The following LARP1 variants were observed in gnomAD, a reference collection of about 807,000 sequenced individuals.
LARP1 encodes the protein La ribonucleoprotein 1, translational regulator.
In LARP1, 36 loss-of-function variants were observed where a neutral mutation model predicts 122.7. The ratio of observed to expected loss-of-function variants is 0.29; its 90% CI spans 0.22 to 0.39. LARP1 has a LOEUF of 0.39. Ranked by LOEUF, LARP1 falls within the 10% of genes least tolerant of loss-of-function variation. The pLI, the probability that LARP1 is intolerant of heterozygous loss-of-function variation, is 1.00. For synonymous variants in LARP1, 539 were observed against 528.7 expected, an observed-to-expected ratio of 1.02 and a Z score of -0.27; for missense variants, 1,040 against 1,403.6, an observed-to-expected ratio of 0.74 and a Z score of 4.14.
chr5:154,711,314 G>A (rs565700290), upstream of LARP1, among the ~76,000 whole-genome samples: 8 of 152,050 alleles, frequency 5.3e-5, no homozygotes, highest in African/African-American at 1.9e-4. Flanking sequence ...GCTTATTTTT[G>A]TATTTTTAGT....
chr5:154,796,874 A>G (rs184646282), intron 8 of LARP1, among the ~76,000 whole-genome samples: 2 of 152,260 alleles, frequency 1.3e-5, no homozygotes, highest in East Asian at 3.9e-4. Flanking sequence ...TTGATCTCTA[A>G]TAGGTTTCAT....
intron 1 of LARP1, among the ~76,000 whole-genome samples, chr5:154,783,262 G>C (rs993956015): frequency 1.3e-5 from 2 of 152,222 alleles, no homozygotes; most frequent in Admixed American, 1.3e-4. Context: ...GGTCTGGAAG[G>C]AATGTCTCTT....
intron 16 of LARP1, among the ~76,000 whole-genome samples, chr5:154,809,258 A>G (rs1275356417): frequency 2.0e-5 from 3 of 151,126 alleles, no homozygotes; most frequent in Admixed American, 6.6e-5. Flanking sequence ...TGAGCCCAGG[A>G]GTTCGAGACC....
intron 1 of LARP1, among the ~76,000 whole-genome samples, chr5:154,769,657 G>T (rs1364569162): frequency 6.6e-6 from 1 of 152,218 alleles, no homozygotes; most frequent in Non-Finnish European, 1.5e-5. Context: ...TTAGGCCCCA[G>T]TGAGACTTTG....
Position 154,792,733 on chromosome 5 carries a change from G to T in LARP1, c.676G>T (p.Asp226Tyr). Residue 226 changes from aspartate to tyrosine, a missense_variant, in exon 4 of 19, where the codon GAT (aspartate) becomes TAT (tyrosine). Coordinates refer to ENST00000518297, the MANE Select transcript of LARP1 (RefSeq NM_033551.3). ...TAAGGAGAGTCCAAAAACCAAATCA[G>T]ATGAATCAGGGGAGGAAAAGAATGG... ...DSKESPKTKS[D>Y]ESGEEKNGDE... The T allele has an allele frequency of 6.2e-7, 1 of 1,614,198 alleles. No individual in the cohort carries two copies. Among genetic ancestry groups the T allele is most frequent in the Non-Finnish European group, 8.5e-7 (1 of 1,180,030 alleles).
intron 1 of LARP1, among the ~76,000 whole-genome samples, chr5:154,742,741 AAAAG>A (rs1278933281): frequency 6.6e-6 from 1 of 151,312 alleles, no homozygotes; most frequent in East Asian, 2.0e-4. Flanking sequence ...AAAAAAAAAA[AAAAG>A]AAAAAAGAAA....
intron 1 of LARP1, among the ~76,000 whole-genome samples, chr5:154,701,863 C>T (rs1754739376): frequency 6.6e-6 from 1 of 152,016 alleles, no homozygotes; most frequent in Admixed American, 6.6e-5. Context: ...CCTCGTGATC[C>T]ACCCCTGTCG....
chr5:154,763,428 C>T (rs560283850), intron 1 of LARP1, among the ~76,000 whole-genome samples: 1 of 152,058 alleles, frequency 6.6e-6, no homozygotes, highest in African/African-American at 2.4e-5. Context: ...CGTTTAGCAA[C>T]TCTGTCCTTC....
intron 1 of LARP1, among the ~76,000 whole-genome samples, chr5:154,706,618 T>C (rs959985204): frequency 6.6e-6 from 1 of 151,884 alleles, no homozygotes; most frequent in Non-Finnish European, 1.5e-5. Context: ...CTATGCTTGT[T>C]ACATGGGTGA....
chr5:154,736,723 G>A (rs1180631454), intron 1 of LARP1, among the ~76,000 whole-genome samples: 2 of 150,990 alleles, frequency 1.3e-5, no homozygotes, highest in African/African-American at 2.4e-5. Flanking sequence ...GTGCCATCAC[G>A]TCTGGCTAAT....
intron 2 of LARP1, 26 bp downstream of exon 2, chr5:154,790,412 A>G (rs1757248489): frequency 1.9e-6 from 3 of 1,606,796 alleles, no homozygotes; most frequent in African/African-American, 2.7e-5. Context: ...GGGCAACCCA[A>G]GGGGACTTTC....
At chr5:154,807,733 TGTAGAG>T (rs1758898698) in intron 15 of LARP1, among the ~76,000 whole-genome samples, 1 of 152,132 alleles carries the variant, frequency 6.6e-6, no homozygotes, top group Admixed American at 6.6e-5. Context: ...AAAAGTTTTC[TGTAGAG>T]ACAGGGGTCT....
Position 154,793,917 on chromosome 5 carries a change from G to A in LARP1, c.986G>A (p.Gly329Glu). The change falls in exon 6 of 19, where the codon GGG becomes GAG. Residue 329 changes from glycine to glutamate, a missense_variant. Around this residue, in one of 8 missense-constraint regions of LARP1, gnomAD observed 178 missense variants for 178.3 expected, o/e 1.00. Coordinates refer to ENST00000518297, the MANE Select transcript of LARP1 (RefSeq NM_033551.3). The stretch of plus-strand genomic sequence containing the variant: ...GAGACATCGAGTGTGAAGAGTGATG[G>A]GGCTGGTGGGGCGCGGGCTTCCTTC... ...QDETSSVKSD[G>E]AGGARASFRG... 6.2e-7 allele frequency: 1 copy of A among 1,614,122 alleles called. No individual in the cohort carries two copies. The highest frequency in any genetic ancestry group is 8.5e-7 in the Non-Finnish European group (1 of 1,179,964).
chr5:154,756,476 G>A lies in LARP1; in HGVS notation c.436+283G>A, dbSNP rs914338178. On this transcript the variant is annotated intron_variant, in intron 1 of 18. Transcript: ENST00000518297. ...GTGGTTCGGGCCTACCTCGTCGGCA[G>A]AGGGTGGGCGCTGGTTTCAGTGAAA... 6.1e-6 allele frequency: 6 copies of A among 985,720 alleles called. No individual in the cohort carries two copies. In the South Asian group the frequency reaches 2.8e-4, roughly 46 times the overall value. 61.1% of individuals were successfully genotyped at this position (985,720 alleles called of 1,614,324 possible). A position where few individuals can be genotyped will look rare whatever the true frequency, so the allele number is the denominator to read the frequency against.
chr5:154,803,063 A>G lies in LARP1; in HGVS notation c.2110-227A>G, dbSNP rs1758471696. Among the ~76,000 whole-genome samples the G allele has an allele frequency of 6.6e-6, 1 of 152,186 alleles. No individual in the cohort carries two copies. Among genetic ancestry groups the G allele is most frequent in the Non-Finnish European group, 1.5e-5 (1 of 68,028 alleles). ...CTGTCAGCCTGATCTCAGTCTTACTACAGGGAGGGCAGGGCAAGCACTGTC... is the reference window on the plus strand; with the variant it reads ...CTGTCAGCCTGATCTCAGTCTTACTGCAGGGAGGGCAGGGCAAGCACTGTC... On this transcript the variant is annotated intron_variant, in intron 11 of 18. Transcript: ENST00000518297. This position sits in a 1 kb window ranked among gnomAD's most constrained non-coding sequence, Gnocchi z 4.4.
At chr5:154,731,208 T>C (rs914913835) in intron 1 of LARP1, among the ~76,000 whole-genome samples, 3 of 151,990 alleles carry the variant, frequency 2.0e-5, no homozygotes, top group Admixed American at 2.0e-4. Flanking sequence ...AACACACCCA[T>C]GCATAGAGTA....
At position 154,786,410 on chromosome 5, in the gene LARP1, A is replaced by G. The variant is rs150888593; in HGVS notation, c.437-3915A>G. Reference sequence around the variant, plus strand: ...CCCCGGACCCCCTGGAACTAGAATTACCAGAATTAGTACTGGCTCCTGGCT... The same window carrying G: ...CCCCGGACCCCCTGGAACTAGAATTGCCAGAATTAGTACTGGCTCCTGGCT... On this transcript the variant is annotated intron_variant, in intron 1 of 18. Transcript: ENST00000518297. 1.1e-3 allele frequency: 482 copies of G among 453,842 alleles called. 3 individuals are homozygous for G. Among genetic ancestry groups the G allele is most frequent in the African/African-American group, 8.5e-3 (426 of 50,054 alleles). 28.1% of individuals were successfully genotyped at this position (453,842 alleles called of 1,614,324 possible).
At chr5:154,777,369 A>G (rs550786730) in intron 1 of LARP1, among the ~76,000 whole-genome samples, 6 of 152,038 alleles carry the variant, frequency 3.9e-5, no homozygotes, top group Non-Finnish European at 7.4e-5. Flanking sequence ...AAAAATGCAA[A>G]AATTAGCTGG....
chr5:154,786,736 C>T, intron 1 of LARP1: 1 of 234,812 alleles, frequency 4.3e-6, no homozygotes, highest in South Asian at 4.4e-5. Flanking sequence ...TGTTGAGGAG[C>T]TCTGGCAAGG....
Sources: gnomAD v4.1 joint callset for allele counts (sites outside exome capture counted in the v4.1 genomes callset) on GRCh38, gnomAD v4.1.1 for gene constraint, gnomAD v4.1.1 regional missense constraint, Gnocchi (gnomAD v3.1) non-coding constraint, MANE v1.5 for transcripts, NCBI Gene and HGNC (gene_info 2026-07-23, HGNC 2026-07-21) for gene names.